Variants in PIGU observed in about 807,000 individuals in gnomAD.
PIGU encodes GPI-anchor transamidase component PIGU.
PIGU carries 24 observed loss-of-function variants against 49.9 expected under a neutral mutation model. The ratio of observed to expected loss-of-function variants is 0.48; its 90% CI spans 0.35 to 0.68. The LOEUF (loss-of-function observed/expected upper bound fraction) is 0.68. Ranked by LOEUF, PIGU falls within the 30% of genes least tolerant of loss-of-function variation. The pLI is 0.01. For synonymous variants in PIGU, 220 were observed against 205.7 expected (o/e 1.07, Z -0.59); for missense variants, 490 against 532.6 (o/e 0.92, Z 0.79).
chr20:34,601,323 G>C lies in PIGU; in HGVS notation c.628-12716C>G, dbSNP rs576699248. Among the ~76,000 whole-genome samples, 3 of 152,096 alleles carry C rather than the reference G, an allele frequency of 2.0e-5. No homozygotes were observed. The East Asian group carries it at 5.8e-4, about 29-fold the overall frequency. Reference sequence around the variant, plus strand: ...TGCTTGGGGAACAGGGCCCTAAAACGATAAAGTAATTTGAAGTATGTACTG... The same window carrying C: ...TGCTTGGGGAACAGGGCCCTAAAACCATAAAGTAATTTGAAGTATGTACTG... On this transcript the variant is annotated intron_variant, in intron 7 of 11. Transcript: ENST00000217446.
chr20:34,588,651 C>G lies in PIGU; in HGVS notation c.628-44G>C, dbSNP rs749039043. ...GATATAAACTTAGGGATGTAAACAA[C>G]AGAGGGCAGCTATTAGCTTACACTT... On this transcript the variant is annotated intron_variant, in intron 7 of 11. Coordinates refer to ENST00000217446, the MANE Select transcript of PIGU (RefSeq NM_080476.5). 3.8e-6 allele frequency: 6 copies of G among 1,564,866 alleles called. No individual in the cohort carries two copies. The South Asian group carries it at 6.9e-5, about 18-fold the overall frequency.
intron 6 of PIGU, among the ~76,000 whole-genome samples, chr20:34,620,799 T>TAA: frequency 1.8e-5 from 1 of 55,406 alleles, no homozygotes; most frequent in South Asian, 6.1e-4. Context: ...AGACTCCACC[T>TAA]AAAAAAAAAC....
At chr20:34,592,155 C>T (rs1984015432) in intron 7 of PIGU, among the ~76,000 whole-genome samples, 1 of 149,048 alleles carries the variant, frequency 6.7e-6, no homozygotes, top group Non-Finnish European at 1.5e-5. Context: ...CGCCACTGCA[C>T]TCGAGCCTGG....
intron 2 of PIGU, among the ~76,000 whole-genome samples, chr20:34,648,992 C>T (rs1259302904): frequency 6.6e-6 from 1 of 151,682 alleles, no homozygotes; most frequent in East Asian, 1.9e-4. Context: ...CTCAGCCTCC[C>T]GAGTAGCTGG....
intron 1 of PIGU, among the ~76,000 whole-genome samples, chr20:34,665,192 ATTTTTTT>A (rs1171497892): frequency 1.3e-4 from 8 of 59,608 alleles, no homozygotes; most frequent in African/African-American, 6.0e-4. Flanking sequence ...TGTATGGCCA[ATTTTTTT>A]TTTTTTTTTT....
Position 34,603,861 on chromosome 20 carries a change from G to GACACACACACACACACACACACAC in PIGU, c.627+12157_627+12180dup, listed in dbSNP as rs142929319. ...TTGTTTCTAGACCTTTTAGTGGACA[G>GACACACACACACACACACACACAC]ACACACACACACACACACACACACA... On this transcript the variant is annotated intron_variant, in intron 7 of 11. Coordinates refer to ENST00000217446, the MANE Select transcript of PIGU (RefSeq NM_080476.5). 9.9e-3 allele frequency among the ~76,000 whole-genome samples: 1,429 copies of GACACACACACACACACACACACAC among 143,830 alleles called. 17 individuals are homozygous for GACACACACACACACACACACACAC. Among genetic ancestry groups the GACACACACACACACACACACACAC allele is most frequent in the Middle Eastern group, 0.014 (4 of 280 alleles). The allele number at this position is 143,830 out of a possible 152,430, so 94.4% of individuals were successfully genotyped here.
At chr20:34,620,758 C>A (rs1419170654) in intron 6 of PIGU, among the ~76,000 whole-genome samples, 2 of 149,570 alleles carry the variant, frequency 1.3e-5, no homozygotes, top group African/African-American at 4.9e-5. Flanking sequence ...TTGCAGTGAG[C>A]CGAGATCGCG....
intron 10 of PIGU, chr20:34,579,204 A>C (rs187825979): frequency 6.6e-6 from 1 of 152,240 alleles, no homozygotes; most frequent in East Asian, 1.9e-4. Context: ...AAACAAAACA[A>C]ACACACACAC....
At chr20:34,578,700 TCTGCAGGAATGGGGAG>T (rs1441449773) in intron 10 of PIGU, among the ~76,000 whole-genome samples, 1 of 152,180 alleles carries the variant, frequency 6.6e-6, no homozygotes, top group African/African-American at 2.4e-5. Context: ...TGTGGTGACC[TCTGCAGGAATGGGGAG>T]CTGCTATTCA....
intron 5 of PIGU, among the ~76,000 whole-genome samples, 196 bp downstream of exon 5, chr20:34,637,680 G>A (rs1986010681): frequency 6.6e-6 from 1 of 152,174 alleles, no homozygotes; most frequent in South Asian, 2.1e-4. Context: ...GTGAGTCTTT[G>A]TCCCAAGAGA....
At position 34,622,020 on chromosome 20, in the gene PIGU, G is replaced by T. The variant is rs1271260183; in HGVS notation, c.530-5881C>A. ...GAATGGTGTGCTGGGGTGGGGCTGTGTGTACTGTAATTAGCTCAATATAGC... is the reference window on the plus strand; with the variant it reads ...GAATGGTGTGCTGGGGTGGGGCTGTTTGTACTGTAATTAGCTCAATATAGC... On this transcript the variant is annotated intron_variant, in intron 6 of 11. Coordinates refer to ENST00000217446, the MANE Select transcript of PIGU (RefSeq NM_080476.5). Among the ~76,000 whole-genome samples, 3 of 152,114 alleles carry T rather than the reference G, an allele frequency of 2.0e-5. No homozygotes were observed. The East Asian group carries it at 5.8e-4, about 29-fold the overall frequency.
intron 7 of PIGU, among the ~76,000 whole-genome samples, chr20:34,606,954 T>C (rs1984637875): frequency 1.3e-5 from 2 of 152,074 alleles, no homozygotes; most frequent in South Asian, 4.1e-4. Flanking sequence ...AGAGACAGGG[T>C]TTCACCACCT....
intron 4 of PIGU, among the ~76,000 whole-genome samples, chr20:34,641,974 G>C (rs1461437040): frequency 6.6e-6 from 1 of 151,960 alleles, no homozygotes; most frequent in East Asian, 1.9e-4. Flanking sequence ...GAATGTCTTG[G>C]TGCACTAAAA....
chr20:34,658,440 C>G (rs1986786912), intron 1 of PIGU, among the ~76,000 whole-genome samples: 1 of 152,180 alleles, frequency 6.6e-6, no homozygotes, highest in African/African-American at 2.4e-5. Context: ...AGGAGCATCT[C>G]TGCCTGGCCG....
intron 2 of PIGU, 89 bp from the exon 3 acceptor site, chr20:34,645,423 A>C: frequency 7.1e-7 from 1 of 1,404,020 alleles, no homozygotes; most frequent in Non-Finnish European, 9.3e-7. Flanking sequence ...GAAAACTATT[A>C]TGTCAGCAAA....
intron 6 of PIGU, among the ~76,000 whole-genome samples, chr20:34,625,144 G>A (rs990679299): frequency 2.6e-5 from 4 of 152,122 alleles, no homozygotes; most frequent in African/African-American, 9.7e-5. Flanking sequence ...GGCCAAGGCG[G>A]GTGGATCACC....
Position 34,574,215 on chromosome 20 carries a change from C to A in PIGU, c.1194+889G>T, listed in dbSNP as rs578133797. Among the ~76,000 whole-genome samples, 7 of 152,320 alleles carry A rather than the reference C, an allele frequency of 4.6e-5. No individual in the cohort carries two copies. The South Asian group carries it at 1.2e-3, about 27-fold the overall frequency. The stretch of plus-strand genomic sequence containing the variant: ...AACTTCCAAGAAGCGTGGGTGAGTC[C>A]ACCTAGAGTTTGCTAGACCCACTGC... On this transcript the variant is annotated intron_variant, in intron 11 of 11. Transcript: ENST00000217446.
intron 11 of PIGU, among the ~76,000 whole-genome samples, chr20:34,570,023 C>T (rs1489191752): frequency 1.3e-5 from 2 of 152,076 alleles, no homozygotes; most frequent in South Asian, 2.1e-4. Flanking sequence ...ATAGTACTTC[C>T]TTCAAAGGGC....
At chr20:34,675,228 A>G (rs1396739159) in intron 1 of PIGU, among the ~76,000 whole-genome samples, 2 of 143,038 alleles carry the variant, frequency 1.4e-5, no homozygotes, top group African/African-American at 5.2e-5. Context: ...AGCTAGGGCA[A>G]TGAGAGTGAA....
Sources: gnomAD v4.1 joint callset for allele counts (sites outside exome capture counted in the v4.1 genomes callset) on GRCh38, gnomAD v4.1.1 for gene constraint, MANE v1.5 for transcripts, NCBI Gene and HGNC (gene_info 2026-07-23, HGNC 2026-07-21) for gene names.